Variants in DOCK1 observed in about 807,000 individuals in gnomAD.
The protein encoded by DOCK1 is dedicator of cytokinesis protein 1.
A neutral mutation model predicts 262.7 loss-of-function variants in DOCK1; 138 were observed. The ratio of observed to expected loss-of-function variants is 0.53; its 90% CI spans 0.46 to 0.61. The LOEUF (loss-of-function observed/expected upper bound fraction) is 0.61. Ranked by LOEUF, DOCK1 falls within the 20% of genes least tolerant of loss-of-function variation. The pLI is 0.00. For synonymous variants in DOCK1, 866 were observed against 867.4 expected, an observed-to-expected ratio of 1.00 and a Z score of 0.03; for missense variants, 1,908 against 2,370.7, an observed-to-expected ratio of 0.80 and a Z score of 4.05.
At chr10:127,373,937 A>G (rs2065345552) in intron 34 of DOCK1, 71 bp downstream of exon 34, 46 of 1,543,856 alleles carry the variant, frequency 3.0e-5, no homozygotes, top group East Asian at 9.5e-5. Context: ...TTAGACTACA[A>G]TGAACTTTGT....
chr10:127,378,496 T>G (rs1435790030), intron 35 of DOCK1, among the ~76,000 whole-genome samples: 1 of 152,098 alleles, frequency 6.6e-6, no homozygotes. Context: ...ACAAAGGTTT[T>G]ATATAGAAAT....
At chr10:127,185,823 C>G (rs990835694) in intron 27 of DOCK1, among the ~76,000 whole-genome samples, 2 of 152,124 alleles carry the variant, frequency 1.3e-5, no homozygotes, top group African/African-American at 4.8e-5. Context: ...AGATGGCACA[C>G]ACACTCACAA....
At chr10:127,438,923 C>T in intron 48 of DOCK1, 104 bp from the exon 49 acceptor site, 1 of 1,235,156 alleles carries the variant, frequency 8.1e-7, no homozygotes, top group South Asian at 1.6e-5. Flanking sequence ...TAAATCACTG[C>T]TTTCATTGTA....
At chr10:127,421,851 C>T (rs1402732299) in intron 46 of DOCK1, among the ~76,000 whole-genome samples, 2 of 152,210 alleles carry the variant, frequency 1.3e-5, no homozygotes, top group Non-Finnish European at 2.9e-5. Flanking sequence ...GGCTAGACCG[C>T]AATGTGTTTC....
chr10:127,145,694 G>T (rs953075982), intron 27 of DOCK1, among the ~76,000 whole-genome samples: 7 of 152,102 alleles, frequency 4.6e-5, no homozygotes, highest in Non-Finnish European at 1.0e-4. Context: ...TCCCAGTGTT[G>T]GTGTGAAGGC....
At chr10:127,152,250 A>G (rs2052571539) in intron 27 of DOCK1, among the ~76,000 whole-genome samples, 1 of 152,214 alleles carries the variant, frequency 6.6e-6, no homozygotes, top group Non-Finnish European at 1.5e-5. Flanking sequence ...TGTCAGTGTT[A>G]CAGCCCTTTG....
chr10:127,205,047 G>GT (rs374699432), intron 27 of DOCK1, among the ~76,000 whole-genome samples: 2,764 of 149,404 alleles, frequency 0.019, 25 homozygotes, highest in Non-Finnish European at 0.022. Flanking sequence ...TTTATTGATG[G>GT]TTTTTTTTTT....
intron 44 of DOCK1, among the ~76,000 whole-genome samples, chr10:127,417,950 C>T (rs1036174311): frequency 1.3e-5 from 2 of 152,074 alleles, no homozygotes; most frequent in Non-Finnish European, 2.9e-5. Flanking sequence ...CCTCCCTAAC[C>T]GGACAGGTAG....
At chr10:127,308,707 G>A (rs1201454569) in intron 29 of DOCK1, among the ~76,000 whole-genome samples, 1 of 152,108 alleles carries the variant, frequency 6.6e-6, no homozygotes, top group Non-Finnish European at 1.5e-5. Flanking sequence ...GTTCCTGTAT[G>A]AGTTTGCTGA....
At chr10:127,323,158 C>G (rs1224569270) in intron 29 of DOCK1, among the ~76,000 whole-genome samples, 1 of 152,198 alleles carries the variant, frequency 6.6e-6, no homozygotes, top group East Asian at 1.9e-4. Flanking sequence ...CATCGCTTCC[C>G]TCTCTGCTGG....
intron 27 of DOCK1, among the ~76,000 whole-genome samples, chr10:127,240,665 C>A (rs1370936601): frequency 6.6e-6 from 1 of 152,158 alleles, no homozygotes; most frequent in Non-Finnish European, 1.5e-5. Context: ...TTTACAACAT[C>A]GTTCTTTCTA....
intron 23 of DOCK1, among the ~76,000 whole-genome samples, chr10:127,073,088 TTC>T (rs2046325545): frequency 6.6e-6 from 1 of 152,258 alleles, no homozygotes; most frequent in South Asian, 2.1e-4. Flanking sequence ...TGTTTGTAGA[TTC>T]TTTTTATGTT....
intron 27 of DOCK1, chr10:127,192,674 A>T (rs553434919): frequency 6.6e-6 from 1 of 152,312 alleles, no homozygotes; most frequent in East Asian, 1.9e-4. Context: ...GTTTTTCTCA[A>T]TGTGAGAGGT....
intron 42 of DOCK1, among the ~76,000 whole-genome samples, chr10:127,410,261 T>C (rs1169192341): frequency 6.6e-6 from 1 of 152,190 alleles, no homozygotes; most frequent in African/African-American, 2.4e-5. Context: ...TCAGAGGCCT[T>C]AAGCAAATAG....
At chr10:126,956,130 G>C (rs1406983719) in intron 1 of DOCK1, among the ~76,000 whole-genome samples, 4 of 152,208 alleles carry the variant, frequency 2.6e-5, no homozygotes, top group African/African-American at 9.6e-5. Flanking sequence ...CCAGGCCCAG[G>C]CTGCCACTGT....
intron 38 of DOCK1, among the ~76,000 whole-genome samples, chr10:127,388,674 C>T (rs2066279278): frequency 6.6e-6 from 1 of 152,140 alleles, no homozygotes; most frequent in African/African-American, 2.4e-5. Context: ...ACAGAGGTTC[C>T]GCCACAGAGG....
At chr10:127,349,523 G>C (rs2063788154) in intron 31 of DOCK1, among the ~76,000 whole-genome samples, 1 of 152,060 alleles carries the variant, frequency 6.6e-6, no homozygotes, top group Admixed American at 6.6e-5. Context: ...CTTTCCTTAG[G>C]AAAGCATTTT....
intron 1 of DOCK1, among the ~76,000 whole-genome samples, chr10:126,925,353 C>T (rs186220609): frequency 6.6e-6 from 1 of 152,318 alleles, no homozygotes; most frequent in East Asian, 1.9e-4. Context: ...GGTGTCTTCT[C>T]TTACTACTCA....
intron 32 of DOCK1, among the ~76,000 whole-genome samples, chr10:127,359,630 A>T (rs891365272): frequency 6.6e-6 from 1 of 152,286 alleles, no homozygotes; most frequent in Non-Finnish European, 1.5e-5. Context: ...GAAAGTGGTG[A>T]GAATCACACA....
Sources: gnomAD v4.1 joint callset for allele counts (sites outside exome capture counted in the v4.1 genomes callset) on GRCh38, gnomAD v4.1.1 for gene constraint, MANE v1.5 for transcripts, NCBI Gene and HGNC (gene_info 2026-07-23, HGNC 2026-07-21) for gene names.